LOC128462377: variants seen among roughly 807,000 people sequenced by gnomAD.
the LOC128462377 span, among the ~76,000 whole-genome samples, chr16:89,381,001 C>G: frequency 6.6e-6 from 1 of 152,154 alleles, no homozygotes; most frequent in Non-Finnish European, 1.5e-5. Context: ...AGCCCCTGAG[C>G]ACACGGTAAA....
the LOC128462377 span, chr16:89,324,476 A>G: frequency 2.2e-6 from 1 of 456,630 alleles, no homozygotes; most frequent in African/African-American, 2.0e-5. Context: ...GACTGGACTA[A>G]AGGATGTGTA....
At chr16:89,394,212 G>A in the LOC128462377 span, among the ~76,000 whole-genome samples, 1 of 152,116 alleles carries the variant, frequency 6.6e-6, no homozygotes. Flanking sequence ...TTCCCTCCAC[G>A]ACATGGGCAC....
chr16:89,389,593 G>A, the LOC128462377 span, among the ~76,000 whole-genome samples: 1 of 152,162 alleles, frequency 6.6e-6, no homozygotes, highest in Non-Finnish European at 1.5e-5. Context: ...TGTGTGAGAC[G>A]AAAATCACAC....
the LOC128462377 span, among the ~76,000 whole-genome samples, chr16:89,366,209 A>C: frequency 6.6e-6 from 1 of 151,128 alleles, no homozygotes; most frequent in African/African-American, 2.4e-5. Context: ...TATGCACCAC[A>C]TTTTCTTTAT....
At chr16:89,375,388 A>C in the LOC128462377 span, among the ~76,000 whole-genome samples, 1 of 152,196 alleles carries the variant, frequency 6.6e-6, no homozygotes, top group Admixed American at 6.5e-5. Flanking sequence ...CGGGAGTCCA[A>C]GACTGCAGGG....
At chr16:89,348,625 T>C in the LOC128462377 span, among the ~76,000 whole-genome samples, 3 of 152,232 alleles carry the variant, frequency 2.0e-5, no homozygotes, top group Non-Finnish European at 4.4e-5. Flanking sequence ...ATTTCTTTAA[T>C]AGATACAGGA....
the LOC128462377 span, among the ~76,000 whole-genome samples, chr16:89,345,649 G>C: frequency 2.0e-5 from 3 of 152,336 alleles, no homozygotes; most frequent in Non-Finnish European, 2.9e-5. Flanking sequence ...AGAAATACAA[G>C]ACCAAGTTTG....
At chr16:89,326,025 A>G in the LOC128462377 span, among the ~76,000 whole-genome samples, 1 of 152,236 alleles carries the variant, frequency 6.6e-6, no homozygotes, top group Admixed American at 6.5e-5. Context: ...GGAGCCTGAC[A>G]AGGAGACACA....
At chr16:89,330,507 T>A in the LOC128462377 span, among the ~76,000 whole-genome samples, 2 of 151,444 alleles carry the variant, frequency 1.3e-5, no homozygotes, top group African/African-American at 4.9e-5. Context: ...TACGTGAGGG[T>A]CCCCGTGACG....
At chr16:89,349,259 T>C in the LOC128462377 span, among the ~76,000 whole-genome samples, 1 of 150,516 alleles carries the variant, frequency 6.6e-6, no homozygotes, top group African/African-American at 2.4e-5. Context: ...CCAGGCGCAG[T>C]GGCTCACGCC....
chr16:89,365,775 A>C, the LOC128462377 span, among the ~76,000 whole-genome samples: 2 of 152,080 alleles, frequency 1.3e-5, no homozygotes. Context: ...AACTTGTGTC[A>C]TCAGGGTTTG....
At chr16:89,353,370 G>C in the LOC128462377 span, among the ~76,000 whole-genome samples, 1 of 151,644 alleles carries the variant, frequency 6.6e-6, no homozygotes, top group Non-Finnish European at 1.5e-5. Flanking sequence ...GAGAGAGAGA[G>C]AGAAAGTAAA....
the LOC128462377 span, among the ~76,000 whole-genome samples, chr16:89,415,585 T>C: frequency 1.3e-5 from 2 of 151,578 alleles, no homozygotes; most frequent in Non-Finnish European, 2.9e-5. Flanking sequence ...TTTTAAACCC[T>C]GCATTTTAAT....
At chr16:89,337,052 GGTGCACACCTGCA>G in the LOC128462377 span, among the ~76,000 whole-genome samples, 1 of 150,480 alleles carries the variant, frequency 6.6e-6, no homozygotes, top group South Asian at 2.1e-4. Context: ...CAGGTGTGGT[GGTGCACACCTGCA>G]GTCCCAGCTA....
the LOC128462377 span, among the ~76,000 whole-genome samples, chr16:89,384,429 G>A: frequency 2.0e-5 from 3 of 152,226 alleles, no homozygotes; most frequent in South Asian, 6.2e-4. Context: ...TATGTGGGGG[G>A]CTGAGGCAGA....
chr16:89,346,949 C>G, the LOC128462377 span, among the ~76,000 whole-genome samples: 1 of 152,146 alleles, frequency 6.6e-6, no homozygotes, highest in Non-Finnish European at 1.5e-5. Flanking sequence ...CTACACGACA[C>G]AATAGGAAAG....
chr16:89,415,829 C>CAAACAAAAAAA, the LOC128462377 span, among the ~76,000 whole-genome samples: 27 of 39,740 alleles, frequency 6.8e-4, no homozygotes, highest in African/African-American at 2.4e-3. Context: ...GACTCTGTCT[C>CAAACAAAAAAA]AAAAAAAAAA....
chr16:89,338,726 C>CAAAAAA, the LOC128462377 span, among the ~76,000 whole-genome samples: 8 of 43,784 alleles, frequency 1.8e-4, no homozygotes, highest in South Asian at 1.4e-3. Context: ...CACTCAGTCT[C>CAAAAAA]AAAAAAAAAA....
the LOC128462377 span, among the ~76,000 whole-genome samples, chr16:89,368,299 C>T: frequency 1.3e-4 from 19 of 150,044 alleles, no homozygotes; most frequent in Admixed American, 8.7e-4. Flanking sequence ...AGGTTACAAG[C>T]GATTCTCCTG....
Sources: gnomAD v4.1 joint callset for allele counts (sites outside exome capture counted in the v4.1 genomes callset) on GRCh38, gnomAD v4.1.1 for gene constraint, MANE v1.5 for transcripts.